The following LRRFIP1 variants were observed in gnomAD, a reference collection of about 807,000 sequenced individuals.
LRRFIP1 encodes the protein leucine-rich repeat flightless-interacting protein 1.
In LRRFIP1, 62 loss-of-function variants were observed where a neutral mutation model predicts 104.4. The observed-to-expected ratio is 0.59, with a 90% confidence interval of 0.48 to 0.73. The LOEUF (loss-of-function observed/expected upper bound fraction) is 0.73, where lower values mean the gene tolerates loss of function less well. Ranked by LOEUF, LRRFIP1 falls within the 30% of genes least tolerant of loss-of-function variation. The probability of loss-of-function intolerance (pLI) is 0.00; values close to 1 mark genes in which losing one functional copy is unlikely to be tolerated. For missense variants in LRRFIP1, 796 were observed against 824.5 expected (o/e 0.97, Z 0.42); for synonymous variants, 300 against 299.0 (o/e 1.00, Z -0.03).
At chr2:237,761,668 AAAATATATGC>A (rs1279179966) in intron 19 of LRRFIP1, among the ~76,000 whole-genome samples, 3 of 152,246 alleles carry the variant, frequency 2.0e-5, no homozygotes, top group African/African-American at 4.8e-5. Context: ...TGTACGTTAT[AAAATATATGC>A]AAAGATATGC....
chr2:237,740,168 G>T (rs1438323988), intron 11 of LRRFIP1, among the ~76,000 whole-genome samples: 1 of 152,022 alleles, frequency 6.6e-6, no homozygotes, highest in African/African-American at 2.4e-5. Flanking sequence ...CGTCATGGGA[G>T]GCTGAGGCAA....
intron 7 of LRRFIP1, among the ~76,000 whole-genome samples, chr2:237,723,886 C>T (rs983569394): frequency 3.9e-5 from 6 of 152,168 alleles, no homozygotes; most frequent in Admixed American, 1.3e-4. Flanking sequence ...CTGTGCATAC[C>T]AAGATGAAAA....
intron 14 of LRRFIP1, 106 bp downstream of exon 14, chr2:237,751,377 G>A: frequency 4.6e-6 from 4 of 861,786 alleles, no homozygotes; most frequent in South Asian, 3.3e-5. Context: ...ACTGTAAATA[G>A]GCTCCAGGGT....
intron 7 of LRRFIP1, among the ~76,000 whole-genome samples, chr2:237,725,514 CA>C (rs140800145): frequency 0.013 from 2,016 of 152,098 alleles, 26 homozygotes; most frequent in African/African-American, 0.045. Context: ...AAATACAACA[CA>C]AAAAAACACC....
intron 14 of LRRFIP1, among the ~76,000 whole-genome samples, chr2:237,753,080 G>A (rs941690552): frequency 1.3e-5 from 2 of 152,178 alleles, no homozygotes; most frequent in Non-Finnish European, 1.5e-5. Flanking sequence ...TCTAATGAGT[G>A]TGTCCATTGC....
At chr2:237,689,322 G>C (rs1003123302) in intron 1 of LRRFIP1, among the ~76,000 whole-genome samples, 2 of 152,146 alleles carry the variant, frequency 1.3e-5, no homozygotes, top group Non-Finnish European at 2.9e-5. Context: ...TATAGACTTT[G>C]CTCTTGAGCT....
rs560685143 is a variant in LRRFIP1, at chr2:237,676,275, T to C, written c.97-32269T>C. Among the ~76,000 whole-genome samples, 38 of 152,348 alleles carry C rather than the reference T, an allele frequency of 2.5e-4. No homozygotes were observed. The South Asian group carries it at 7.5e-3, about 30-fold the overall frequency. The stretch of plus-strand genomic sequence containing the variant: ...CAATAAAAGTTCAAGGTACATAGTT[T>C]AAATGTACATACTTTAATGCAAGCA... On this transcript the variant is annotated intron_variant, in intron 1 of 23. Coordinates refer to ENST00000308482, the MANE Select transcript of LRRFIP1 (RefSeq NM_001137550.2).
At chr2:237,679,028 G>C (rs1201556754) in intron 1 of LRRFIP1, among the ~76,000 whole-genome samples, 1 of 152,146 alleles carries the variant, frequency 6.6e-6, no homozygotes, top group Non-Finnish European at 1.5e-5. Flanking sequence ...ACTCCCACCA[G>C]GCACAGCGCG....
intron 22 of LRRFIP1, chr2:237,773,907 G>C (rs1432250763): frequency 6.2e-6 from 1 of 161,184 alleles, no homozygotes; most frequent in Non-Finnish European, 1.4e-5. Flanking sequence ...TCAGAACCTT[G>C]GCTGGGGAAT....
chr2:237,763,342 AC>A, intron 19 of LRRFIP1: 2 of 1,614,092 alleles, frequency 1.2e-6, no homozygotes, highest in African/African-American at 1.3e-5. Context: ...CTCAAAATGA[AC>A]CCTTAGATAT....
At chr2:237,732,362 G>C (rs938895190) in intron 8 of LRRFIP1, among the ~76,000 whole-genome samples, 1 of 152,214 alleles carries the variant, frequency 6.6e-6, no homozygotes, top group African/African-American at 2.4e-5. Context: ...TGGGCTTGCC[G>C]GTGGTGGCCT....
chr2:237,772,481 G>T (rs966234111), intron 21 of LRRFIP1: 2 of 434,510 alleles, frequency 4.6e-6, no homozygotes, highest in South Asian at 4.0e-5. Context: ...GCAATCTTTC[G>T]ATCTGTTGAT....
intron 20 of LRRFIP1, 182 bp from the exon 21 acceptor site, chr2:237,771,899 T>TA (rs1187423516): frequency 1.7e-6 from 1 of 581,866 alleles, no homozygotes; most frequent in African/African-American, 1.9e-5. Flanking sequence ...CTCTCAGAGT[T>TA]ACAGTGTAAT....
At chr2:237,731,329 ACTT>A (rs920544904) in intron 8 of LRRFIP1, among the ~76,000 whole-genome samples, 9 of 151,822 alleles carry the variant, frequency 5.9e-5, no homozygotes, top group African/African-American at 2.2e-4. Context: ...TTGCCAGGGC[ACTT>A]CTTCCTCACC....
At chr2:237,775,708 CGTGCCT>C (rs1008425147) in intron 23 of LRRFIP1, among the ~76,000 whole-genome samples, 2 of 152,016 alleles carry the variant, frequency 1.3e-5, no homozygotes, top group Admixed American at 6.5e-5. Context: ...TGCGGTGGCC[CGTGCCT>C]GTAGTCTCAG....
At chr2:237,756,681 A>C (rs1216121020) in intron 16 of LRRFIP1, among the ~76,000 whole-genome samples, 1 of 152,244 alleles carries the variant, frequency 6.6e-6, no homozygotes, top group African/African-American at 2.4e-5. Context: ...AGATTTACGA[A>C]ACAGTCCCTC....
Position 237,659,125 on chromosome 2 carries a change from G to T in LRRFIP1, c.96+31385G>T, listed in dbSNP as rs545417105. Reference sequence around the variant, plus strand: ...TCTTTTTTTAATGAGACAGGGTCTCGTTCCCTCACCCAGGCTAAAGTGCAG... The same window carrying T: ...TCTTTTTTTAATGAGACAGGGTCTCTTTCCCTCACCCAGGCTAAAGTGCAG... On this transcript the variant is annotated intron_variant, in intron 1 of 23. Transcript: ENST00000308482. 2.0e-5 allele frequency among the ~76,000 whole-genome samples: 3 copies of T among 151,830 alleles called. No individual in the cohort carries two copies. In the South Asian group the frequency reaches 6.2e-4, roughly 32 times the overall value.
chr2:237,694,372 G>C (rs2093022452), intron 1 of LRRFIP1, among the ~76,000 whole-genome samples: 1 of 151,992 alleles, frequency 6.6e-6, no homozygotes, highest in South Asian at 2.1e-4. Flanking sequence ...ATCAGAGTGA[G>C]ACATGGTGAA....
intron 1 of LRRFIP1, among the ~76,000 whole-genome samples, chr2:237,690,969 A>G (rs2092716638): frequency 3.4e-5 from 5 of 146,880 alleles, no homozygotes; most frequent in Admixed American, 3.3e-4. Flanking sequence ...CTTCTCCCCT[A>G]TCCCTCCCAA....
Sources: gnomAD v4.1 joint callset for allele counts (sites outside exome capture counted in the v4.1 genomes callset) on GRCh38, gnomAD v4.1.1 for gene constraint, MANE v1.5 for transcripts, NCBI Gene and HGNC (gene_info 2026-07-23, HGNC 2026-07-21) for gene names.